Variants in SMG7 observed in about 807,000 individuals in gnomAD.
SMG7 encodes SMG7 nonsense mediated mRNA decay factor.
A neutral mutation model predicts 148.2 loss-of-function variants in SMG7; 34 were observed. The ratio of observed to expected loss-of-function variants is 0.23; its 90% confidence interval spans 0.17 to 0.31. The LOEUF (loss-of-function observed/expected upper bound fraction) is 0.31, where lower values mean the gene tolerates loss of function less well. SMG7 is among the 10% of genes least tolerant of loss of function. SMG7 has a pLI of 1.00. For synonymous variants in SMG7, 492 were observed against 515.1 expected, an observed-to-expected ratio of 0.96 and a Z score of 0.61; for missense variants, 1,114 against 1,408.4, an observed-to-expected ratio of 0.79 and a Z score of 3.35.
intron 1 of SMG7, among the ~76,000 whole-genome samples, chr1:183,496,749 C>T (rs1023909229): frequency 6.6e-6 from 1 of 152,050 alleles, no homozygotes; most frequent in African/African-American, 2.4e-5. Context: ...TTTTGGCTTC[C>T]CTGGGTTACA....
chr1:183,538,278 A>G (rs1274520928), intron 11 of SMG7, 102 bp from the exon 12 acceptor site: 1 of 763,108 alleles, frequency 1.3e-6, no homozygotes, highest in Non-Finnish European at 2.3e-6. Flanking sequence ...AAGCATTATA[A>G]TTTCTTTCTG....
At chr1:183,496,584 G>C (rs1254054590) in intron 1 of SMG7, among the ~76,000 whole-genome samples, 1 of 152,074 alleles carries the variant, frequency 6.6e-6, no homozygotes, top group African/African-American at 2.4e-5. Context: ...TTTTTCAGGA[G>C]CATTTATTGA....
chr1:183,524,260 T>C (rs922087509), intron 4 of SMG7, among the ~76,000 whole-genome samples: 2 of 152,030 alleles, frequency 1.3e-5, no homozygotes, highest in Admixed American at 6.6e-5. Flanking sequence ...ATTTTTTGTT[T>C]CACTTTATTT....
rs1485208048 is a variant in SMG7 at position 183,547,231 on chromosome 1, T to C, written c.2871T>C (p.Ser957=). ...LYPALLGPLA[S]LPGRSLFKSL... ...CGGCTCTGCTGGGGCCTCTCGCCTC[T>C]CTTCCTGGACGAAGCCTTTTTGTAT... The change falls in exon 18 of 23, where the codon TCT becomes TCC. Residue 957 remains serine, a synonymous_variant. Coordinates refer to ENST00000688051, the MANE Select transcript of SMG7 (RefSeq NM_001375584.1). 1 of 1,550,094 alleles carries C rather than the reference T, an allele frequency of 6.5e-7. No homozygotes were observed.
At chr1:183,518,044 C>T (rs951785466) in intron 4 of SMG7, among the ~76,000 whole-genome samples, 3 of 152,090 alleles carry the variant, frequency 2.0e-5, no homozygotes, top group Admixed American at 2.0e-4. Flanking sequence ...GCCTCCCTGA[C>T]TGAAGTGATC....
rs375085879 is a variant in SMG7, at chr1:183,537,228, C to G, written c.1234+13C>G. The G allele has an allele frequency of 2.5e-6, 4 of 1,588,762 alleles. No homozygotes were observed. Among genetic ancestry groups the G allele is most frequent in the Non-Finnish European group, 3.5e-6 (4 of 1,157,328 alleles). On this transcript the variant is annotated intron_variant, in intron 11 of 22. Transcript: ENST00000688051. ...TCAAGTATTAGTGGTAAGGGCTACC[C>G]TAACCTTGTGTTGTTGATGTGGTTC...
intron 1 of SMG7, among the ~76,000 whole-genome samples, chr1:183,487,149 CA>C (rs778449172): frequency 2.0e-5 from 3 of 152,134 alleles, no homozygotes; most frequent in Non-Finnish European, 4.4e-5. Context: ...GTCAGAGGTC[CA>C]AAATGGGTCC....
At chr1:183,481,562 G>A (rs1338248713) in intron 1 of SMG7, among the ~76,000 whole-genome samples, 1 of 152,054 alleles carries the variant, frequency 6.6e-6, no homozygotes, top group Non-Finnish European at 1.5e-5. Context: ...TCATGCTTTT[G>A]TTTTGTTTTT....
rs1421359623 is a variant in SMG7, at chr1:183,537,213, G to A, written c.1232G>A (p.Ser411Asn). 1 of 1,607,746 alleles carries A rather than the reference G, an allele frequency of 6.2e-7. No homozygotes were observed. The highest frequency in any genetic ancestry group is 1.1e-5 in the South Asian group (1 of 90,918). Residue 411 changes from serine to asparagine, a missense_variant and splice_region_variant, in exon 11 of 23, where the codon AGT becomes AAT. Physicochemically the swap from Ser to Asn is conservative, Grantham distance 46. Coordinates refer to ENST00000688051, the MANE Select transcript of SMG7 (RefSeq NM_001375584.1). ...CATGAAGAGGACCTCTCAAGTATTA[G>A]TGGTAAGGGCTACCCTAACCTTGTG... is the stretch of plus-strand genomic sequence containing the variant. The part of the protein sequence containing the change: ...HPHEEDLSSI[S>N]ATPLPEEFEL...
At chr1:183,547,497 T>A (rs1463081910) in intron 18 of SMG7, among the ~76,000 whole-genome samples, 2 of 152,212 alleles carry the variant, frequency 1.3e-5, no homozygotes, top group African/African-American at 4.8e-5. Context: ...CCAGAAAGCA[T>A]TCTGCAGAGC....
intron 8 of SMG7, 41 bp from the exon 9 acceptor site, chr1:183,533,123 G>C (rs1667159669): frequency 1.3e-6 from 2 of 1,575,034 alleles, no homozygotes; most frequent in East Asian, 2.3e-5. Flanking sequence ...GATGGTTCCT[G>C]TTCTTGATAA....
In SMG7 at chr1:183,551,901, G is replaced by A; in HGVS notation, c.3534G>A (p.Arg1178=). ...TGCAGCAGAAGCAGAAACAGCAACG[G>A]GGACAAGGCACCATGAACCCTCCAC... ...LLMQQKQKQQ[R]GQGTMNPPH Residue 1178 remains arginine, a synonymous_variant, in exon 23 of 23, where the codon CGG becomes CGA. Transcript: ENST00000688051. The A allele has an allele frequency of 6.2e-7, 1 of 1,613,778 alleles. No homozygotes were observed. Among genetic ancestry groups the A allele is most frequent in the South Asian group, 1.1e-5 (1 of 91,042 alleles).
At chr1:183,551,258 T>C (rs1275467000) in intron 22 of SMG7, 68 bp downstream of exon 22, 4 of 1,477,642 alleles carry the variant, frequency 2.7e-6, no homozygotes, top group Non-Finnish European at 3.6e-6. Context: ...TTCATTCACA[T>C]AAATAGCTAG....
At chr1:183,500,826 A>C (rs989684988) in intron 1 of SMG7, among the ~76,000 whole-genome samples, 1 of 152,166 alleles carries the variant, frequency 6.6e-6, no homozygotes, top group African/African-American at 2.4e-5. Context: ...ATTCAGGTTT[A>C]TTGGATCACA....
chr1:183,495,389 A>G (rs1658235550), intron 1 of SMG7, among the ~76,000 whole-genome samples: 3 of 152,188 alleles, frequency 2.0e-5, no homozygotes, highest in Non-Finnish European at 4.4e-5. Context: ...ATTCTCATTA[A>G]TAAAAAATTT....
chr1:183,530,073 A>G (rs1265985521), intron 8 of SMG7, among the ~76,000 whole-genome samples: 1 of 152,196 alleles, frequency 6.6e-6, no homozygotes, highest in African/African-American at 2.4e-5. Context: ...TAGCAGTTTA[A>G]ATGTATAATG....
rs1671164822 is a variant in SMG7 at position 183,552,100 on chromosome 1, T to G, written c.*169T>G. On this transcript the variant is annotated 3_prime_UTR_variant, in exon 23 of 23. Transcript: ENST00000688051. ...CTGAGTGTGCACGAAATGTTCGCAG[T>G]GCAACAAAAAGAAAAATCCATCAGG... is the stretch of plus-strand genomic sequence containing the variant. 7.7e-7 allele frequency: 1 copy of G among 1,306,042 alleles called. No individual in the cohort carries two copies. The highest frequency in any genetic ancestry group is 2.5e-5 in the South Asian group (1 of 40,006). The allele number at this position is 1,306,042 out of a possible 1,614,324, so 80.9% of individuals were successfully genotyped here.
At chr1:183,539,145 C>G (rs1668328533) in intron 12 of SMG7, among the ~76,000 whole-genome samples, 1 of 151,926 alleles carries the variant, frequency 6.6e-6, no homozygotes, top group South Asian at 2.1e-4. Context: ...GAGTGAGACT[C>G]CGTCTCAAAA....
At chr1:183,487,106 ATGG>A (rs959446265) in intron 1 of SMG7, among the ~76,000 whole-genome samples, 7 of 152,276 alleles carry the variant, frequency 4.6e-5, no homozygotes, top group Admixed American at 4.6e-4. Context: ...TACTACCACC[ATGG>A]TGGGGTTAAA....
Sources: gnomAD v4.1 joint callset for allele counts (sites outside exome capture counted in the v4.1 genomes callset) on GRCh38, gnomAD v4.1.1 for gene constraint, MANE v1.5 for transcripts, NCBI Gene and HGNC (gene_info 2026-07-23, HGNC 2026-07-21) for gene names.